ADAMTS12: variants seen among roughly 807,000 people sequenced by gnomAD.
ADAMTS12 encodes the protein A disintegrin and metalloproteinase with thrombospondin motifs 12.
Under a neutral mutation model 167.8 loss-of-function variants are expected in ADAMTS12, and 118 were observed. The observed-to-expected ratio is 0.70, with a 90% CI of 0.61 to 0.82. The LOEUF is 0.82. Among genes scored for constraint, ADAMTS12 ranks in the 40% least tolerant of loss-of-function variants. The pLI, the probability that ADAMTS12 is intolerant of heterozygous loss-of-function variation, is 0.00. For missense variants in ADAMTS12, 1,916 were observed against 1,998.8 expected (o/e 0.96, Z 0.79); for synonymous variants, 704 against 716.9 (o/e 0.98, Z 0.29).
At chr5:33,699,789 G>C (rs900767959) in intron 3 of ADAMTS12, among the ~76,000 whole-genome samples, 1 of 152,018 alleles carries the variant, frequency 6.6e-6, no homozygotes, top group South Asian at 2.1e-4. Flanking sequence ...ACTACCTATC[G>C]GGAGAAAATG....
intron 2 of ADAMTS12, among the ~76,000 whole-genome samples, chr5:33,798,938 C>G (rs565368186): frequency 2.6e-4 from 40 of 152,270 alleles, no homozygotes; most frequent in African/African-American, 9.1e-4. Flanking sequence ...TCTGTGCAAT[C>G]CCCTGCTTTC....
At chr5:33,714,031 C>A (rs1019893816) in intron 3 of ADAMTS12, among the ~76,000 whole-genome samples, 1 of 152,076 alleles carries the variant, frequency 6.6e-6, no homozygotes, top group Non-Finnish European at 1.5e-5. Flanking sequence ...GCTTGTGATA[C>A]CACTTGTATT....
chr5:33,883,342 GTTT>G (rs796927926), intron 1 of ADAMTS12, among the ~76,000 whole-genome samples: 31 of 64,334 alleles, frequency 4.8e-4, no homozygotes, highest in African/African-American at 1.7e-3. Flanking sequence ...TTTTTTTTTT[GTTT>G]TTTTTTTTTC....
intron 7 of ADAMTS12, among the ~76,000 whole-genome samples, chr5:33,657,191 A>G (rs1741092936): frequency 6.6e-6 from 1 of 152,190 alleles, no homozygotes; most frequent in African/African-American, 2.4e-5. Flanking sequence ...AGAAAGTCCA[A>G]ATGTTATATT....
intron 3 of ADAMTS12, among the ~76,000 whole-genome samples, chr5:33,729,757 T>C (rs930244148): frequency 2.6e-5 from 4 of 152,130 alleles, no homozygotes; most frequent in African/African-American, 7.2e-5. Flanking sequence ...ATCCTACTGG[T>C]TGGCAAGTGG....
intron 3 of ADAMTS12, among the ~76,000 whole-genome samples, chr5:33,745,743 G>T (rs748391317): frequency 8.5e-5 from 13 of 152,070 alleles, no homozygotes; most frequent in Non-Finnish European, 1.3e-4. Flanking sequence ...ATGAAAAAAG[G>T]CTTTAAAAAA....
chr5:33,576,339 GGAA>G lies in ADAMTS12; in HGVS notation c.3684_3686del (p.Ser1229del). On this transcript the variant is annotated inframe_deletion, in exon 19 of 24. Coordinates refer to ENST00000504830, the MANE Select transcript of ADAMTS12 (RefSeq NM_030955.4). ...CCTCAACTCTGGGTGTCCCAGTTTC[GGAA>G]GTAGTGGGCCTTTGGCTGGGGAGCA... The G allele has an allele frequency of 6.2e-7, 1 of 1,614,160 alleles. No individual in the cohort carries two copies. The highest frequency in any genetic ancestry group is 8.5e-7 in the Non-Finnish European group (1 of 1,180,022).
intron 16 of ADAMTS12, among the ~76,000 whole-genome samples, chr5:33,600,770 C>T (rs766739204): frequency 1.3e-5 from 2 of 152,134 alleles, no homozygotes; most frequent in Admixed American, 6.5e-5. Flanking sequence ...CCAAATTAGA[C>T]ATAACATTGA....
chr5:33,751,807 C>T (rs1013338456), intron 2 of ADAMTS12, among the ~76,000 whole-genome samples: 59 of 152,242 alleles, frequency 3.9e-4, no homozygotes, highest in African/African-American at 1.2e-3. Flanking sequence ...CACATGTGTC[C>T]GAAATGTAGC....
intron 3 of ADAMTS12, among the ~76,000 whole-genome samples, chr5:33,730,613 G>A (rs1300386487): frequency 6.6e-6 from 1 of 152,062 alleles, no homozygotes; most frequent in Non-Finnish European, 1.5e-5. Context: ...AAAACCAGTG[G>A]TCTTCCAAAG....
At position 33,534,981 on chromosome 5, in the gene ADAMTS12, G is replaced by C. The variant is rs530771187; in HGVS notation, c.4458C>G (p.Ser1486=). The change falls in exon 23 of 24, where the codon TCC becomes TCG. Residue 1486 remains serine, a synonymous_variant. Transcript: ENST00000504830. ...TCCTCTTCTGAAAGCCACCTCCACA[G>C]GAAGTGGAACACTGAAAGAGAAGGT... The part of the protein sequence containing the change: ...ATGNWDLCST[S]CGGGFQKRTV... The C allele has an allele frequency of 6.2e-7, 1 of 1,606,114 alleles. No individual in the cohort carries two copies. The highest frequency in any genetic ancestry group is 8.5e-7 in the Non-Finnish European group (1 of 1,177,834).
Position 33,819,657 on chromosome 5 carries a change from G to C in ADAMTS12, c.489+61462C>G, listed in dbSNP as rs187688464. On this transcript the variant is annotated intron_variant, in intron 2 of 23. Transcript: ENST00000504830. Reference sequence around the variant, plus strand: ...CCATTGAAATTTTCATAGGAATTGTGTTAAGTCTGTGTATTACTTTGGGAA... The same window carrying C: ...CCATTGAAATTTTCATAGGAATTGTCTTAAGTCTGTGTATTACTTTGGGAA... Among the ~76,000 whole-genome samples, 14 of 152,118 alleles carry C rather than the reference G, an allele frequency of 9.2e-5. No homozygotes were observed. In the East Asian group the frequency reaches 2.7e-3, roughly 29 times the overall value.
intron 16 of ADAMTS12, among the ~76,000 whole-genome samples, chr5:33,613,473 C>T (rs557516789): frequency 6.6e-5 from 10 of 152,268 alleles, no homozygotes; most frequent in Admixed American, 2.6e-4. Flanking sequence ...CGCCAACCAA[C>T]GAGATGTGAG....
rs561404920 is a variant in ADAMTS12 at position 33,885,675 on chromosome 5, C to A, written c.128-4195G>T. ...TCTGACAATGATCACTCCCGATGCC[C>A]TGCTCACTGTGCCCATTACAGCTGG... On this transcript the variant is annotated intron_variant, in intron 1 of 23. Transcript: ENST00000504830. Among the ~76,000 whole-genome samples, 391 of 152,330 alleles carry A rather than the reference C, an allele frequency of 2.6e-3. 2 individuals carry two copies. The highest frequency in any genetic ancestry group is 8.9e-3 in the African/African-American group (371 of 41,582).
At chr5:33,695,312 C>T (rs1742715778) in intron 3 of ADAMTS12, among the ~76,000 whole-genome samples, 1 of 152,114 alleles carries the variant, frequency 6.6e-6, no homozygotes, top group Admixed American at 6.5e-5. Flanking sequence ...AACAAAGTGA[C>T]AAGAAAGCAT....
intron 2 of ADAMTS12, among the ~76,000 whole-genome samples, chr5:33,801,282 A>T (rs960978171): frequency 1.4e-4 from 21 of 152,236 alleles, no homozygotes; most frequent in Admixed American, 6.5e-5. Flanking sequence ...GGAAACTGAT[A>T]CAGGTGGGTA....
chr5:33,704,435 A>G (rs1050656283), intron 3 of ADAMTS12, among the ~76,000 whole-genome samples: 2 of 152,170 alleles, frequency 1.3e-5, no homozygotes, highest in Non-Finnish European at 2.9e-5. Flanking sequence ...TGATTTACAT[A>G]GTGTCTGCAC....
chr5:33,707,872 C>T (rs1743256253), intron 3 of ADAMTS12, among the ~76,000 whole-genome samples: 1 of 152,106 alleles, frequency 6.6e-6, no homozygotes, highest in African/African-American at 2.4e-5. Flanking sequence ...TAGGCAATAC[C>T]ATTCAGAACA....
intron 2 of ADAMTS12, among the ~76,000 whole-genome samples, chr5:33,870,437 A>G (rs1749996572): frequency 6.6e-6 from 1 of 152,186 alleles, no homozygotes; most frequent in Non-Finnish European, 1.5e-5. Flanking sequence ...TGTCCATGAA[A>G]TCTTCAAAAT....
Sources: gnomAD v4.1 joint callset for allele counts (sites outside exome capture counted in the v4.1 genomes callset) on GRCh38, gnomAD v4.1.1 for gene constraint, MANE v1.5 for transcripts, NCBI Gene and HGNC (gene_info 2026-07-23, HGNC 2026-07-21) for gene names.